Variants in MED12L observed in about 807,000 individuals in gnomAD.
MED12L encodes the protein mediator complex subunit 12L.
In MED12L, 60 loss-of-function variants were observed where a neutral mutation model predicts 281.3. That is an observed-to-expected ratio of 0.21 (90% CI 0.17 to 0.26). The LOEUF (loss-of-function observed/expected upper bound fraction) is 0.26, where lower values mean the gene tolerates loss of function less well. Among genes scored for constraint, MED12L ranks in the 10% least tolerant of loss-of-function variants. The pLI is 1.00. For synonymous variants in MED12L, 974 were observed against 987.2 expected (o/e 0.99, Z 0.25); for missense variants, 2,146 against 2,680.9 (o/e 0.80, Z 4.41).
intron 16 of MED12L, among the ~76,000 whole-genome samples, chr3:151,290,054 C>A (rs1482521143): frequency 1.3e-5 from 2 of 151,970 alleles, no homozygotes; most frequent in Non-Finnish European, 2.9e-5. Context: ...CCATGCCTGG[C>A]TAATTTTTGT....
chr3:151,125,684 C>T (rs191189702), intron 4 of MED12L, among the ~76,000 whole-genome samples: 6 of 152,276 alleles, frequency 3.9e-5, no homozygotes, highest in African/African-American at 9.6e-5. Flanking sequence ...AGCAGCAACT[C>T]GGGTCTTGAA....
intron 16 of MED12L, chr3:151,201,120 A>G (rs932351917): frequency 6.6e-6 from 1 of 152,234 alleles, no homozygotes; most frequent in Non-Finnish European, 1.5e-5. Flanking sequence ...TTTATGTAAT[A>G]AAGCTGAAAT....
At chr3:151,422,268 C>CGCAACTTTG in intron 43 of MED12L, among the ~76,000 whole-genome samples, 1 of 152,252 alleles carries the variant, frequency 6.6e-6, no homozygotes, top group Non-Finnish European at 1.5e-5. Flanking sequence ...GCTAGAACTC[C>CGCAACTTTG]CTAACAAAGT....
At chr3:151,430,732 C>T (rs1303458161) in intron 44 of MED12L, among the ~76,000 whole-genome samples, 8 of 27,112 alleles carry the variant, frequency 3.0e-4, no homozygotes, top group African/African-American at 8.6e-4. Flanking sequence ...CTTAATTATA[C>T]AGATGAATAA....
rs192888630 is a variant in MED12L at position 151,312,098 on chromosome 3, C to T, written c.2251-37961C>T. Among the ~76,000 whole-genome samples the T allele has an allele frequency of 2.5e-4, 38 of 152,232 alleles. No homozygotes were observed. The East Asian group carries it at 6.9e-3, about 28-fold the overall frequency. On this transcript the variant is annotated intron_variant, in intron 16 of 44. Coordinates refer to ENST00000687756, the MANE Select transcript of MED12L (RefSeq NM_001393769.1). ...CAGTTTTTCCCAATTTGTCTTGGAG[C>T]CGGTTTATCTAAAAAAGTTTTGAAA...
chr3:151,131,611 AAAAC>A lies in MED12L; in HGVS notation c.556+3643_556+3646del, dbSNP rs566319899. Among the ~76,000 whole-genome samples the A allele has an allele frequency of 3.7e-4, 56 of 152,312 alleles. No individual in the cohort carries two copies. In the East Asian group the frequency reaches 4.6e-3, roughly 13 times the overall value. On this transcript the variant is annotated intron_variant, in intron 5 of 44. Coordinates refer to ENST00000687756, the MANE Select transcript of MED12L (RefSeq NM_001393769.1). ...AACAGAGAGAGACCCTCTCCCTCAAAAAACAAACAAACAAACAAAAACAAAAAAC... is the reference window on the plus strand; with the variant it reads ...AACAGAGAGAGACCCTCTCCCTCAAAAAACAAACAAACAAAAACAAAAAAC...
intron 16 of MED12L, among the ~76,000 whole-genome samples, chr3:151,229,291 T>C (rs937980563): frequency 2.7e-5 from 4 of 150,226 alleles, no homozygotes; most frequent in Non-Finnish European, 4.4e-5. Flanking sequence ...TAATAACTTA[T>C]AAATTCAGCA....
intron 2 of MED12L, among the ~76,000 whole-genome samples, chr3:151,108,912 T>C (rs1342574729): frequency 6.6e-6 from 1 of 152,204 alleles, no homozygotes; most frequent in Non-Finnish European, 1.5e-5. Flanking sequence ...AGCATCAAAA[T>C]GTTTTCACTT....
intron 16 of MED12L, among the ~76,000 whole-genome samples, chr3:151,292,459 G>A (rs1257653632): frequency 3.3e-5 from 5 of 151,516 alleles, no homozygotes; most frequent in African/African-American, 1.2e-4. Flanking sequence ...GCTAATTTTT[G>A]TATTTTTAGT....
intron 16 of MED12L, among the ~76,000 whole-genome samples, chr3:151,256,059 A>G (rs975458956): frequency 6.6e-6 from 1 of 152,210 alleles, no homozygotes; most frequent in African/African-American, 2.4e-5. Context: ...GCATGGTTCA[A>G]CATATGCTAG....
intron 16 of MED12L, among the ~76,000 whole-genome samples, chr3:151,250,523 A>G (rs933979428): frequency 6.6e-6 from 1 of 152,180 alleles, no homozygotes; most frequent in African/African-American, 2.4e-5. Flanking sequence ...GGAATCATAC[A>G]GTATTTGTCC....
intron 16 of MED12L, among the ~76,000 whole-genome samples, chr3:151,304,687 CT>C (rs1746408705): frequency 6.6e-6 from 1 of 151,982 alleles, no homozygotes; most frequent in Non-Finnish European, 1.5e-5. Context: ...CTCTCATTCT[CT>C]GAATTACAGC....
Position 151,394,718 on chromosome 3 carries a change from A to G in MED12L, c.5671A>G (p.Asn1891Asp). 1 of 1,614,284 alleles carries G rather than the reference A, an allele frequency of 6.2e-7. No individual in the cohort carries two copies. The highest frequency in any genetic ancestry group is 1.7e-5 in the Admixed American group (1 of 60,034). The change falls in exon 39 of 45, where the codon AAC (asparagine) becomes GAC (aspartate). Residue 1891 changes from asparagine (N) to aspartate (D), a missense_variant. Physicochemically the swap from Asn to Asp is conservative, Grantham distance 23 (BLOSUM62 1). Around this residue, in one of 9 missense-constraint regions of MED12L, gnomAD observed 496 missense variants for 512.0 expected, o/e 0.97. Coordinates refer to ENST00000687756, the MANE Select transcript of MED12L (RefSeq NM_001393769.1). ...VPTNTKQALS[N>D]MLQRRSGAMM... ...AACCAACACCAAACAAGCTCTGTCA[A>G]ACATGCTACAGCGGCGCTCAGGCGC...
intron 16 of MED12L, among the ~76,000 whole-genome samples, chr3:151,287,798 G>A (rs565410261): frequency 3.9e-5 from 6 of 152,208 alleles, no homozygotes; most frequent in South Asian, 4.1e-4. Context: ...CCTCTTTAGG[G>A]ATTTCTATGG....
intron 16 of MED12L, among the ~76,000 whole-genome samples, chr3:151,216,244 T>C (rs1471798670): frequency 6.6e-6 from 1 of 152,252 alleles, no homozygotes; most frequent in Admixed American, 6.5e-5. Flanking sequence ...GCATGAATCC[T>C]TGCTCTTAAG....
chr3:151,208,582 T>A (rs1726697078), intron 16 of MED12L, among the ~76,000 whole-genome samples: 1 of 152,100 alleles, frequency 6.6e-6, no homozygotes, highest in South Asian at 2.1e-4. Flanking sequence ...CTTGGGAGGC[T>A]GAGGCAGGAG....
intron 5 of MED12L, among the ~76,000 whole-genome samples, chr3:151,129,767 C>CTTAT (rs1229702620): frequency 6.7e-6 from 1 of 148,358 alleles, no homozygotes; most frequent in East Asian, 2.0e-4. Flanking sequence ...ACTGGATTAA[C>CTTAT]TTATTTATTT....
chr3:151,319,507 C>T (rs900860669), intron 16 of MED12L, among the ~76,000 whole-genome samples: 13 of 103,600 alleles, frequency 1.3e-4, no homozygotes, highest in African/African-American at 3.6e-4. Flanking sequence ...GTGTGTGTGT[C>T]GGCCACCAGA....
At chr3:151,150,927 C>CATGTTGTG (rs1018169279) in intron 5 of MED12L, among the ~76,000 whole-genome samples, 23 of 151,660 alleles carry the variant, frequency 1.5e-4, no homozygotes, top group Non-Finnish European at 2.5e-4. Flanking sequence ...GCCTAAAGGG[C>CATGTTGTG]ATGTTGTGGC....
Sources: allele counts gnomAD v4.1 joint callset (sites outside exome capture counted in the v4.1 genomes callset), GRCh38; gene constraint gnomAD v4.1.1; regional missense constraint gnomAD v4.1.1; transcripts MANE v1.5; gene names NCBI Gene and HGNC (gene_info 2026-07-23, HGNC 2026-07-21).